The following NLRP2 variants were observed in gnomAD, a reference collection of about 807,000 sequenced individuals.
NLRP2 encodes the protein NLR family pyrin domain containing 2.
In NLRP2, 107 loss-of-function variants were observed where a neutral mutation model predicts 97.2. That is an observed-to-expected ratio of 1.10 (90% CI 0.94 to 1.29). The LOEUF is 1.29. Among genes scored for constraint, NLRP2 ranks in the 50% most tolerant of loss-of-function variants. The pLI, the probability that NLRP2 is intolerant of heterozygous loss-of-function variation, is 0.00. For synonymous variants in NLRP2, 663 were observed against 551.5 expected (o/e 1.20, Z -2.83); for missense variants, 1,495 against 1,330.3 (o/e 1.12, Z -1.93).
intron 1 of NLRP2, among the ~76,000 whole-genome samples, chr19:54,968,733 C>T (rs141088870): frequency 1.1e-3 from 117 of 105,062 alleles, no homozygotes; most frequent in African/African-American, 3.5e-3. Flanking sequence ...TCACTCTTGT[C>T]GCCCCAGGCT....
rs1409709150 is a variant in NLRP2, at chr19:55,001,126, G to A, written c.*228G>A. 4.0e-6 allele frequency: 2 copies of A among 501,538 alleles called. No homozygotes were observed. Among genetic ancestry groups the A allele is most frequent in the African/African-American group, 3.8e-5 (2 of 52,036 alleles). 31.1% of individuals were successfully genotyped at this position (501,538 alleles called of 1,614,324 possible). On this transcript the variant is annotated 3_prime_UTR_variant, in exon 13 of 13. Transcript: ENST00000448584. The stretch of plus-strand genomic sequence containing the variant: ...GGTATATTGAGAGAAATAAAGGTGA[G>A]AGCATTCACAAATGAAGCTGTTACT...
chr19:54,967,574 A>AAGAGG (rs1315846449), intron 1 of NLRP2, among the ~76,000 whole-genome samples: 4 of 152,064 alleles, frequency 2.6e-5, no homozygotes, highest in Non-Finnish European at 5.9e-5. Flanking sequence ...GTTGGCTCAT[A>AAGAGG]AGAGGATAGT....
chr19:54,992,663 C>G (rs934648303), intron 10 of NLRP2, among the ~76,000 whole-genome samples: 1 of 144,330 alleles, frequency 6.9e-6, no homozygotes, highest in African/African-American at 2.6e-5. Context: ...CTCCTGAGTT[C>G]AGGTGTGATT....
chr19:54,982,873 T>G lies in NLRP2; in HGVS notation c.1175T>G (p.Phe392Cys), dbSNP rs1040501606. ...FELMRSNAAL[F>C]QLGSAPAVCW... ...CTAATGAGGAGCAACGCGGCCCTGT[T>G]CCAGCTGGGCTCGGCCCCCGCGGTG... Residue 392 changes from phenylalanine (F) to cysteine (C), a missense_variant, in exon 6 of 13, where the codon TTC becomes TGC. Phe to Cys is a radical substitution (Grantham distance 205, BLOSUM62 -2). Coordinates refer to ENST00000448584, the MANE Select transcript of NLRP2 (RefSeq NM_017852.5). 1.9e-6 allele frequency: 3 copies of G among 1,613,044 alleles called. No homozygotes were observed. The Admixed American group carries it at 5.0e-5, about 27-fold the overall frequency.
At chr19:54,992,810 C>A (rs1411823474) in intron 10 of NLRP2, among the ~76,000 whole-genome samples, 5 of 151,986 alleles carry the variant, frequency 3.3e-5, no homozygotes, top group African/African-American at 1.2e-4. Flanking sequence ...CCACCCACCT[C>A]AGCCTCCCAA....
At chr19:54,967,917 ATTT>A (rs55659818) in intron 1 of NLRP2, among the ~76,000 whole-genome samples, 10 of 126,278 alleles carry the variant, frequency 7.9e-5, no homozygotes, top group African/African-American at 1.2e-4. Flanking sequence ...TGCTACTGCT[ATTT>A]TTTTTTTTTT....
At chr19:54,965,327 C>G (rs1225231295), upstream of NLRP2, 2 of 104,236 alleles carry the variant, frequency 1.9e-5, 1 homozygote, top group Non-Finnish European at 4.1e-5. Flanking sequence ...ATAGAGCTTT[C>G]TCAACCTGCA....
At chr19:54,984,124 A>G (rs902727345) in intron 6 of NLRP2, among the ~76,000 whole-genome samples, 4 of 151,810 alleles carry the variant, frequency 2.6e-5, no homozygotes, top group Admixed American at 6.6e-5. Context: ...AAGTGGGATT[A>G]CAGGCATGAT....
chr19:54,970,240 C>A lies in NLRP2; in HGVS notation c.225C>A (p.Val75=). 1 of 1,614,174 alleles carries A rather than the reference C, an allele frequency of 6.2e-7. No individual in the cohort carries two copies. The highest frequency in any genetic ancestry group is 8.5e-7 in the Non-Finnish European group (1 of 1,180,040). ...SYWVEMASLQ[V]FEKMHRMDLS... ...GGGTGGAGATGGCGAGCCTCCAGGT[C>A]TTTGAAAAGATGCACCGAATGGATC... is the stretch of plus-strand genomic sequence containing the variant. The change falls in exon 2 of 13, where the codon GTC becomes GTA. Residue 75 remains valine, a synonymous_variant. Transcript: ENST00000448584.
chr19:54,997,464 C>T lies in NLRP2; in HGVS notation c.3027C>T (p.Ser1009=), dbSNP rs1205361727. The change falls in exon 12 of 13, where the codon TCC becomes TCT. Residue 1009 remains serine (S), a synonymous_variant. Coordinates refer to ENST00000448584, the MANE Select transcript of NLRP2 (RefSeq NM_017852.5). ...TGCTGTTTGAAACCTTGACATGTTC[C>T]AGTGGCACCCTCCGGACACTCAGGT... The part of the protein sequence containing the change: ...VKMLFETLTC[S]SGTLRTLRLK... 5 of 1,614,206 alleles carry T rather than the reference C, an allele frequency of 3.1e-6. No homozygotes were observed. The Admixed American group carries it at 6.7e-5, about 22-fold the overall frequency.
At chr19:54,986,362 AC>A in intron 8 of NLRP2, 47 bp downstream of exon 8, 1 of 1,538,566 alleles carries the variant, frequency 6.5e-7, no homozygotes, top group Non-Finnish European at 9.0e-7. Context: ...AACATAAGCT[AC>A]CACAAGCTTA....
chr19:54,977,097 C>A, intron 3 of NLRP2: 1 of 290,252 alleles, frequency 3.4e-6, no homozygotes, highest in Non-Finnish European at 6.7e-6. Context: ...CAGGCATGAG[C>A]CACCATGCCC....
chr19:54,977,179 G>A lies in NLRP2; in HGVS notation c.326-573G>A, dbSNP rs138006779. ...TTTATCTACCTCATCAGAAACTAGGGGGTTAGGCCTGGCAGGCAGATCACC... is the reference window on the plus strand; with the variant it reads ...TTTATCTACCTCATCAGAAACTAGGAGGTTAGGCCTGGCAGGCAGATCACC... On this transcript the variant is annotated intron_variant, in intron 3 of 12. Transcript: ENST00000448584. Among the ~76,000 whole-genome samples the A allele has an allele frequency of 5.2e-3, 784 of 152,108 alleles. 9 individuals are homozygous for A. Among genetic ancestry groups the A allele is most frequent in the African/African-American group, 0.018 (767 of 41,496 alleles).
intron 3 of NLRP2, chr19:54,976,938 G>A (rs552587620): frequency 1.1e-5 from 4 of 380,192 alleles, no homozygotes; most frequent in East Asian, 8.2e-5. Flanking sequence ...CCTCAGCCTC[G>A]CAAGTAGCTG....
At chr19:54,972,685 G>A (rs1226532513) in intron 2 of NLRP2, among the ~76,000 whole-genome samples, 2 of 151,958 alleles carry the variant, frequency 1.3e-5, no homozygotes, top group Non-Finnish European at 2.9e-5. Context: ...TCGAACTTCT[G>A]TGGGCTCAAC....
In NLRP2 at chr19:54,983,533, C is replaced by T. The variant is rs1340973115; in HGVS notation, c.1835C>T (p.Ser612Phe). 2 of 1,614,000 alleles carry T rather than the reference C, an allele frequency of 1.2e-6. No homozygotes were observed. Among genetic ancestry groups the T allele is most frequent in the African/African-American group, 2.7e-5 (2 of 74,922 alleles). The part of the protein sequence containing the change: ...LQELLGCLYE[S>F]QEEELVKEVM... Reference sequence around the variant, plus strand: ...GAGCTCCTCGGCTGTCTGTACGAGTCTCAGGAGGAGGAGCTGGTGAAGGAG... The same window carrying T: ...GAGCTCCTCGGCTGTCTGTACGAGTTTCAGGAGGAGGAGCTGGTGAAGGAG... Residue 612 changes from serine to phenylalanine, a missense_variant, in exon 6 of 13, where the codon TCT (serine) becomes TTT (phenylalanine). Coordinates refer to ENST00000448584, the MANE Select transcript of NLRP2 (RefSeq NM_017852.5).
At chr19:54,975,106 G>GTGTTTTTTTTTTTTT (rs2071120331) in intron 3 of NLRP2, among the ~76,000 whole-genome samples, 1 of 58,674 alleles carries the variant, frequency 1.7e-5, no homozygotes, top group Non-Finnish European at 3.5e-5. Flanking sequence ...ACCCGGTTTT[G>GTGTTTTTTTTTTTTT]TTTTTTTTTT....
intron 2 of NLRP2, 86 bp downstream of exon 2, chr19:54,970,381 T>G: frequency 6.7e-7 from 1 of 1,498,788 alleles, no homozygotes; most frequent in South Asian, 1.1e-5. Context: ...CCAGGCGCGC[T>G]GGCTCACGCC....
At chr19:54,977,955 T>G (rs1315806456) in intron 4 of NLRP2, 132 bp downstream of exon 4, 1 of 838,546 alleles carries the variant, frequency 1.2e-6, no homozygotes, top group Non-Finnish European at 2.0e-6. Context: ...GCCCACTGTC[T>G]CCTGGAGAAT....
Sources: gnomAD v4.1 joint callset for allele counts (sites outside exome capture counted in the v4.1 genomes callset) on GRCh38, gnomAD v4.1.1 for gene constraint, MANE v1.5 for transcripts, NCBI Gene and HGNC (gene_info 2026-07-23, HGNC 2026-07-21) for gene names.